The following ATF7IP2 variants were observed in gnomAD, a reference collection of about 807,000 sequenced individuals.
The protein encoded by ATF7IP2 is activating transcription factor 7-interacting protein 2.
Under a neutral mutation model 64.2 loss-of-function variants are expected in ATF7IP2, and 42 were observed. The ratio of observed to expected loss-of-function variants is 0.65; its 90% CI spans 0.51 to 0.85. The LOEUF is 0.85. Ranked by LOEUF, ATF7IP2 falls within the 40% of genes least tolerant of loss-of-function variation. The pLI is 0.00. For missense variants in ATF7IP2, 933 were observed against 784.2 expected, an observed-to-expected ratio of 1.19 and a Z score of -2.27; for synonymous variants, 308 against 272.8, an observed-to-expected ratio of 1.13 and a Z score of -1.27.
At chr16:10,389,513 C>G (rs1050050789) in intron 1 of ATF7IP2, among the ~76,000 whole-genome samples, 2 of 152,096 alleles carry the variant, frequency 1.3e-5, no homozygotes, top group Non-Finnish European at 2.9e-5. Flanking sequence ...TGTTACCATC[C>G]CCTACCATCC....
In ATF7IP2 at chr16:10,438,130, T is replaced by C. The variant is rs771781910; in HGVS notation, c.990T>C (p.Tyr330=). ...QVRHLIQQEI[Y]SINYELFDKK... ...GACATTTGATTCAGCAGGAGATCTA[T>C]AGCATAAATTATGAACTATTTGATA... The change falls in exon 7 of 14, where the codon TAT becomes TAC. Residue 330 remains tyrosine, a synonymous_variant. Coordinates refer to ENST00000562102, the MANE Select transcript of ATF7IP2 (RefSeq NM_001393719.1). The C allele has an allele frequency of 8.2e-6, 13 of 1,590,802 alleles. No individual in the cohort carries two copies. Among genetic ancestry groups the C allele is most frequent in the Non-Finnish European group, 9.4e-6 (11 of 1,170,342 alleles).
intron 1 of ATF7IP2, among the ~76,000 whole-genome samples, chr16:10,394,965 A>T (rs544001207): frequency 6.6e-6 from 1 of 152,126 alleles, no homozygotes; most frequent in African/African-American, 2.4e-5. Flanking sequence ...GCCTGAAGTC[A>T]GCAGAATGTA....
At chr16:10,466,125 T>C (rs1451435095) in intron 9 of ATF7IP2, among the ~76,000 whole-genome samples, 1 of 152,230 alleles carries the variant, frequency 6.6e-6, no homozygotes, top group Non-Finnish European at 1.5e-5. Flanking sequence ...GTGAGCTCTT[T>C]TATGTCTTCT....
chr16:10,421,344 C>G (rs1280348073), intron 3 of ATF7IP2, among the ~76,000 whole-genome samples: 1 of 152,132 alleles, frequency 6.6e-6, no homozygotes, highest in East Asian at 1.9e-4. Flanking sequence ...GCCTTATGCA[C>G]TTGCTTCTCA....
intron 9 of ATF7IP2, among the ~76,000 whole-genome samples, chr16:10,460,047 A>T (rs915492839): frequency 6.6e-6 from 1 of 152,060 alleles, no homozygotes; most frequent in Non-Finnish European, 1.5e-5. Flanking sequence ...AAACCTAGAG[A>T]TTAATTATTA....
chr16:10,427,772 T>C, intron 3 of ATF7IP2, among the ~76,000 whole-genome samples: 1 of 151,018 alleles, frequency 6.6e-6, no homozygotes, highest in East Asian at 1.9e-4. Context: ...GGTGGGAGGA[T>C]AGCTTGAGCC....
intron 9 of ATF7IP2, among the ~76,000 whole-genome samples, chr16:10,461,487 T>G (rs904575345): frequency 1.3e-5 from 2 of 152,096 alleles, no homozygotes; most frequent in Admixed American, 6.5e-5. Flanking sequence ...TTACCCTAAA[T>G]CTATACGGTG....
At chr16:10,412,010 G>GGTTTTTTTTTTTTTTTTTTTTTTTT (rs1476575065) in intron 1 of ATF7IP2, among the ~76,000 whole-genome samples, 11 of 58,392 alleles carry the variant, frequency 1.9e-4, no homozygotes, top group East Asian at 5.6e-4. Context: ...ATCTTTTTTT[G>GGTTTTTTTTTTTTTTTTTTTTTTTT]TTTTTTTTTT....
chr16:10,470,684 C>A (rs748078134), intron 9 of ATF7IP2, among the ~76,000 whole-genome samples: 2 of 151,558 alleles, frequency 1.3e-5, no homozygotes, highest in African/African-American at 2.4e-5. Context: ...CTTAGGAGGC[C>A]GAGATGAGAG....
chr16:10,473,074 C>T (rs1055789061), intron 10 of ATF7IP2, among the ~76,000 whole-genome samples: 3 of 152,114 alleles, frequency 2.0e-5, no homozygotes, highest in African/African-American at 7.2e-5. Flanking sequence ...GATTGTGAAT[C>T]AGAGAATTAC....
chr16:10,450,955 G>A (rs897406129), intron 8 of ATF7IP2, among the ~76,000 whole-genome samples: 3 of 152,192 alleles, frequency 2.0e-5, no homozygotes, highest in African/African-American at 7.2e-5. Context: ...GCTGGTACTG[G>A]TTGTTCCTTT....
chr16:10,416,654 TGTG>T (rs946697579), intron 2 of ATF7IP2, among the ~76,000 whole-genome samples: 3 of 152,084 alleles, frequency 2.0e-5, no homozygotes, highest in African/African-American at 7.2e-5. Flanking sequence ...GTTAGCCTGG[TGTG>T]GTAGTGATGG....
intron 9 of ATF7IP2, among the ~76,000 whole-genome samples, chr16:10,465,927 A>G (rs2049553018): frequency 6.6e-6 from 1 of 152,292 alleles, no homozygotes; most frequent in Admixed American, 6.5e-5. Context: ...TTGACATGTA[A>G]TATCTACTAA....
intron 1 of ATF7IP2, among the ~76,000 whole-genome samples, chr16:10,405,035 T>C (rs11646268): frequency 0.79 from 119,912 of 152,108 alleles, 48,011 homozygotes; most frequent in African/African-American, 0.93. Flanking sequence ...ACCCTCCCTA[T>C]AATAAATCCT....
intron 8 of ATF7IP2, among the ~76,000 whole-genome samples, chr16:10,455,654 C>G (rs2049139509): frequency 6.6e-6 from 1 of 152,086 alleles, no homozygotes. Context: ...TATAAAAAGC[C>G]TAGATTACCT....
rs985558443 is a variant in ATF7IP2 at position 10,441,398 on chromosome 16, C to T, written c.1194+936C>T. Among the ~76,000 whole-genome samples, 2 of 152,212 alleles carry T rather than the reference C, an allele frequency of 1.3e-5. 1 individual carries two copies. Reference sequence around the variant, plus strand: ...TATAAAAAGCATTCCTATTTCTGCACATCCTCTCCAGCATCTGTTGTTTCC... The same window carrying T: ...TATAAAAAGCATTCCTATTTCTGCATATCCTCTCCAGCATCTGTTGTTTCC... On this transcript the variant is annotated intron_variant, in intron 8 of 13. Transcript: ENST00000562102.
At chr16:10,436,675 C>G (rs1258546015) in intron 6 of ATF7IP2, among the ~76,000 whole-genome samples, 1 of 151,958 alleles carries the variant, frequency 6.6e-6, no homozygotes, top group Non-Finnish European at 1.5e-5. Context: ...CATCATGAAG[C>G]AAGATACTGG....
intron 8 of ATF7IP2, among the ~76,000 whole-genome samples, chr16:10,452,048 G>A (rs146468229): frequency 3.2e-4 from 49 of 151,262 alleles, no homozygotes; most frequent in African/African-American, 1.1e-3. Flanking sequence ...GCAAAACTCC[G>A]TCCCAAAAAA....
chr16:10,402,636 A>G (rs528272841), intron 1 of ATF7IP2, among the ~76,000 whole-genome samples: 10 of 151,938 alleles, frequency 6.6e-5, no homozygotes, highest in African/African-American at 2.2e-4. Context: ...GCTAATTTTT[A>G]TACTTTTTTG....
Sources: gnomAD v4.1 joint callset for allele counts (sites outside exome capture counted in the v4.1 genomes callset) on GRCh38, gnomAD v4.1.1 for gene constraint, MANE v1.5 for transcripts, NCBI Gene and HGNC (gene_info 2026-07-23, HGNC 2026-07-21) for gene names.